CCNH: variants seen among roughly 807,000 people sequenced by gnomAD.
CCNH encodes cyclin H.
CCNH carries 31 observed loss-of-function variants against 41.9 expected under a neutral mutation model. The ratio of observed to expected loss-of-function variants is 0.74; its 90% CI spans 0.56 to 1.00. The LOEUF is 1.00. CCNH is among the 50% of genes least tolerant of loss of function. The pLI, the probability that CCNH is intolerant of heterozygous loss-of-function variation, is 0.00. For synonymous variants in CCNH, 138 were observed against 136.1 expected (o/e 1.01, Z -0.10); for missense variants, 362 against 388.4 (o/e 0.93, Z 0.57).
chr5:87,327,898 G>A (rs1757343175), intron 9 of CCNH, among the ~76,000 whole-genome samples: 1 of 151,748 alleles, frequency 6.6e-6, no homozygotes, highest in African/African-American at 2.4e-5. Context: ...CCAGGAGGCG[G>A]AGGTTGCAGT....
At chr5:87,378,913 GT>G (rs1471346425), upstream of CCNH, among the ~76,000 whole-genome samples, 1 of 151,998 alleles carries the variant, frequency 6.6e-6, no homozygotes, top group African/African-American at 2.4e-5. Context: ...GTTCTTGAAG[GT>G]TTTTTTGCGA....
intron 9 of CCNH, among the ~76,000 whole-genome samples, chr5:87,326,535 TCTTC>T (rs1214076110): frequency 6.6e-5 from 10 of 152,300 alleles, no homozygotes; most frequent in Admixed American, 6.5e-4. Context: ...CTTTTCCCCA[TCTTC>T]CTTAGAGAGG....
intron 9 of CCNH, among the ~76,000 whole-genome samples, chr5:87,342,076 G>A (rs190688935): frequency 2.0e-5 from 3 of 151,894 alleles, no homozygotes; most frequent in Non-Finnish European, 4.4e-5. Context: ...GATTCCATTA[G>A]TGAGACTGTA....
chr5:87,344,678 ATTTT>A (rs113174684), intron 9 of CCNH, among the ~76,000 whole-genome samples: 4 of 131,208 alleles, frequency 3.0e-5, no homozygotes, highest in Admixed American at 7.7e-5. Flanking sequence ...AAATGTTGTA[ATTTT>A]TTTTTTTTTT....
At position 87,394,386 on chromosome 5, in the gene CCNH, C is replaced by CGTT. The variant is rs1762749386; in HGVS notation, c.*57_*59dup. Reference sequence around the variant, plus strand: ...ATTATACTTTTTAAATAAAGTTAAACGTTTGATATGCTTCCTACTTCTCTT... The same window carrying CGTT: ...ATTATACTTTTTAAATAAAGTTAAACGTTGTTTGATATGCTTCCTACTTCTCTT... On this transcript the variant is annotated 3_prime_UTR_variant, in exon 9 of 9. Coordinates refer to ENST00000256897, the MANE Select transcript of CCNH (RefSeq NM_001239.4). The CGTT allele has an allele frequency of 1.3e-6, 2 of 1,573,344 alleles. No individual in the cohort carries two copies. Among genetic ancestry groups the CGTT allele is most frequent in the Admixed American group, 3.7e-5 (2 of 53,828 alleles).
chr5:87,331,404 G>A, intron 9 of CCNH: 1 of 1,613,500 alleles, frequency 6.2e-7, no homozygotes, highest in South Asian at 1.1e-5. Context: ...AGGCAGGCAG[G>A]GAAGTCTGGC....
At chr5:87,361,212 T>G (rs1437588651) in intron 9 of CCNH, among the ~76,000 whole-genome samples, 1 of 152,204 alleles carries the variant, frequency 6.6e-6, no homozygotes, top group African/African-American at 2.4e-5. Flanking sequence ...ATGGCTGTGT[T>G]CCAGTAAAAC....
chr5:87,363,769 C>G (rs182211195), intron 9 of CCNH, among the ~76,000 whole-genome samples: 21 of 152,136 alleles, frequency 1.4e-4, no homozygotes, highest in Admixed American at 5.9e-4. Context: ...TTTTGAGTGA[C>G]TTACTTTGAG....
Position 87,338,516 on chromosome 5 carries a change from TATATATATATATATATAAA to T in CCNH, c.*91-19638_*91-19620del, listed in dbSNP as rs1468235537. On this transcript the variant is annotated intron_variant and NMD_transcript_variant, in intron 9 of 9. Transcript: ENST00000645953. ...CCAGCTAATTTTATATATATATATA[TATATATATATATATATAAA>T]ATTTTTTTTTTTTTTAAGTAGAAAT... 1.6e-4 allele frequency among the ~76,000 whole-genome samples: 16 copies of T among 99,322 alleles called. 2 individuals carry two copies. The highest frequency in any genetic ancestry group is 2.3e-4 in the Non-Finnish European group (11 of 48,066). 65.2% of individuals were successfully genotyped at this position (99,322 alleles called of 152,430 possible). A position where few individuals can be genotyped will look rare whatever the true frequency, so the allele number is the denominator to read the frequency against.
chr5:87,337,566 T>A (rs1280672056), intron 9 of CCNH, among the ~76,000 whole-genome samples: 1 of 152,120 alleles, frequency 6.6e-6, no homozygotes, highest in East Asian at 1.9e-4. Flanking sequence ...ATTTTGTGTT[T>A]TGATTTTATA....
rs1206391717 is a variant in CCNH at position 87,399,496 on chromosome 5, T to A, written c.770A>T (p.Asn257Ile). 1 of 1,608,586 alleles carries A rather than the reference T, an allele frequency of 6.2e-7. No homozygotes were observed. The highest frequency in any genetic ancestry group is 8.5e-7 in the Non-Finnish European group (1 of 1,175,050). ...GGGTGGTTCATACTTCTTTACTAAG[T>A]TTCTCATGCCTATGTGGATACAAAA... Reference protein sequence around the residue: ...QLLDIMKSMRNLVKKYEPPRS... With the variant: ...QLLDIMKSMRILVKKYEPPRS... Residue 257 changes from asparagine to isoleucine, a missense_variant, in exon 7 of 9, where the codon AAC becomes ATC. Physicochemically the swap from Asn to Ile is moderately radical, Grantham distance 149. Transcript: ENST00000256897.
chr5:87,386,740 T>C (rs1762088596), downstream of CCNH: 3 of 1,183,806 alleles, frequency 2.5e-6, no homozygotes, highest in East Asian at 7.1e-5. Context: ...GTTTTTGCTG[T>C]TAACTGTAAT....
At chr5:87,327,698 C>T (rs1390234840) in intron 9 of CCNH, among the ~76,000 whole-genome samples, 1 of 152,138 alleles carries the variant, frequency 6.6e-6, no homozygotes, top group African/African-American at 2.4e-5. Context: ...GGTGCAGTGG[C>T]TCACACCTGT....
intron 9 of CCNH, chr5:87,338,077 CTAG>C: frequency 1.2e-6 from 2 of 1,612,102 alleles, no homozygotes; most frequent in Non-Finnish European, 1.7e-6. Flanking sequence ...TGTTGAAGAC[CTAG>C]TAGAAGAGGT....
chr5:87,335,292 CAAT>C (rs1378307287), intron 9 of CCNH, among the ~76,000 whole-genome samples: 1 of 151,854 alleles, frequency 6.6e-6, no homozygotes, highest in African/African-American at 2.4e-5. Flanking sequence ...TGTTTGTTGC[CAAT>C]GACAAAATTT....
chr5:87,331,795 T>A (rs1217398642), intron 9 of CCNH, among the ~76,000 whole-genome samples: 1 of 152,152 alleles, frequency 6.6e-6, no homozygotes, highest in Non-Finnish European at 1.5e-5. Flanking sequence ...ATAAAGGAAT[T>A]GTATACTTTT....
chr5:87,394,966 GAATA>G (rs1561341321), intron 8 of CCNH, 74 bp downstream of exon 8: 1 of 1,602,734 alleles, frequency 6.2e-7, no homozygotes, highest in Non-Finnish European at 8.5e-7. Flanking sequence ...TACTCTTGGA[GAATA>G]AATCTTAACA....
chr5:87,362,787 C>T, intron 9 of CCNH: 3 of 1,208,856 alleles, frequency 2.5e-6, no homozygotes, highest in Non-Finnish European at 3.6e-6. Context: ...GTAATTGACA[C>T]TTGTTTAGAG....
intron 9 of CCNH, chr5:87,346,567 T>C (rs1423944560): frequency 1.3e-5 from 8 of 634,362 alleles, no homozygotes; most frequent in Non-Finnish European, 1.9e-5. Context: ...ATTGCATTTA[T>C]TTTATCACTT....
Sources: gnomAD v4.1 joint callset for allele counts (sites outside exome capture counted in the v4.1 genomes callset) on GRCh38, gnomAD v4.1.1 for gene constraint, MANE v1.5 for transcripts, NCBI Gene and HGNC (gene_info 2026-07-23, HGNC 2026-07-21) for gene names.